Variants in RNF212B observed in about 807,000 individuals in gnomAD.
The protein encoded by RNF212B is E3 ubiquitin-protein ligase RNF212B.
RNF212B carries 52 observed loss-of-function variants against 55.5 expected under a neutral mutation model. The ratio of observed to expected loss-of-function variants is 0.94; its 90% CI spans 0.75 to 1.18. The LOEUF (loss-of-function observed/expected upper bound fraction) is 1.18, where lower values mean the gene tolerates loss of function less well. Among genes scored for constraint, RNF212B ranks in the 50% most tolerant of loss-of-function variants. The probability of loss-of-function intolerance (pLI) is 0.00; values close to 1 mark genes in which losing one functional copy is unlikely to be tolerated. For missense variants in RNF212B, 289 were observed against 350.4 expected (o/e 0.82, Z 1.40); for synonymous variants, 99 against 121.4 (o/e 0.82, Z 1.21).
chr14:23,224,831 A>G (rs777241596), intron 2 of RNF212B, among the ~76,000 whole-genome samples: 4 of 152,218 alleles, frequency 2.6e-5, no homozygotes, highest in Non-Finnish European at 4.4e-5. Context: ...ACAGAATGAG[A>G]GAATATATTT....
chr14:23,209,283 T>C (rs768834065), intron 2 of RNF212B, among the ~76,000 whole-genome samples: 18 of 151,692 alleles, frequency 1.2e-4, no homozygotes, highest in Non-Finnish European at 2.5e-4. Context: ...GCAACCTGTT[T>C]TACCAGCAAG....
At chr14:23,204,518 A>G (rs1393437681) in intron 2 of RNF212B, among the ~76,000 whole-genome samples, 2 of 152,170 alleles carry the variant, frequency 1.3e-5, no homozygotes, top group Non-Finnish European at 2.9e-5. Context: ...TGCTTTGTCA[A>G]AGCTCAGTTG....
intron 3 of RNF212B, 66 bp downstream of exon 3, chr14:23,243,374 A>G: frequency 7.7e-7 from 1 of 1,291,490 alleles, no homozygotes; most frequent in Non-Finnish European, 1.1e-6. Flanking sequence ...AGTATATACA[A>G]AGTACAGATG....
chr14:23,271,752 C>G (rs1281445096), intron 14 of RNF212B, among the ~76,000 whole-genome samples: 2 of 152,104 alleles, frequency 1.3e-5, no homozygotes, highest in African/African-American at 4.8e-5. Context: ...CTTAAAAGCT[C>G]TATAAACCGT....
At chr14:23,220,303 G>A (rs1881450814) in intron 2 of RNF212B, among the ~76,000 whole-genome samples, 1 of 151,898 alleles carries the variant, frequency 6.6e-6, no homozygotes, top group African/African-American at 2.4e-5. Flanking sequence ...AGGTCGAGGT[G>A]GGTGGATTGC....
At chr14:23,190,079 T>A (rs1468826756) in intron 1 of RNF212B, among the ~76,000 whole-genome samples, 4 of 152,124 alleles carry the variant, frequency 2.6e-5, no homozygotes, top group Non-Finnish European at 5.9e-5. Flanking sequence ...AGCTAATGGC[T>A]CTGGAGCACC....
At chr14:23,213,558 C>A (rs145120206) in intron 2 of RNF212B, among the ~76,000 whole-genome samples, 9 of 152,252 alleles carry the variant, frequency 5.9e-5, no homozygotes, top group African/African-American at 1.9e-4. Flanking sequence ...CAAATCACTG[C>A]AGAGAGCTAA....
intron 4 of RNF212B, among the ~76,000 whole-genome samples, chr14:23,247,391 T>C (rs1011799874): frequency 8.5e-5 from 13 of 152,286 alleles, no homozygotes; most frequent in African/African-American, 3.1e-4. Context: ...TCTGTACTTA[T>C]CGGCAGGCAC....
chr14:23,189,594 G>A (rs1003172422), intron 1 of RNF212B, among the ~76,000 whole-genome samples: 8 of 151,972 alleles, frequency 5.3e-5, no homozygotes, highest in African/African-American at 1.7e-4. Context: ...CTTGAGTCCA[G>A]GAATTTGAGA....
intron 9 of RNF212B, among the ~76,000 whole-genome samples, chr14:23,263,643 C>T (rs1463952228): frequency 2.6e-5 from 4 of 152,132 alleles, no homozygotes; most frequent in Non-Finnish European, 2.9e-5. Flanking sequence ...TCAGGGAATC[C>T]CTCCTCTTGG....
At chr14:23,262,000 ACT>A (rs986439092) in intron 7 of RNF212B, among the ~76,000 whole-genome samples, 7 of 150,960 alleles carry the variant, frequency 4.6e-5, no homozygotes, top group African/African-American at 1.7e-4. Flanking sequence ...ACAAAACAAA[ACT>A]CTCTCTATAT....
intron 1 of RNF212B, among the ~76,000 whole-genome samples, chr14:23,186,023 C>A (rs1353241611): frequency 6.6e-6 from 1 of 152,110 alleles, no homozygotes; most frequent in African/African-American, 2.4e-5. Context: ...TCGTGTGAGC[C>A]ATGGAGGTTG....
Position 23,192,953 on chromosome 14 carries a change from A to G in RNF212B, c.-78-372A>G, listed in dbSNP as rs570240547. On this transcript the variant is annotated intron_variant, in intron 1 of 15. Transcript: ENST00000399910. ...GTAAAAATACAAAAATTAGCCGGGCATGGTGGCACATGCCTGTAATCCCAG... is the reference window on the plus strand; with the variant it reads ...GTAAAAATACAAAAATTAGCCGGGCGTGGTGGCACATGCCTGTAATCCCAG... Among the ~76,000 whole-genome samples, 3 of 151,980 alleles carry G rather than the reference A, an allele frequency of 2.0e-5. No homozygotes were observed. The East Asian group carries it at 5.8e-4, about 30-fold the overall frequency.
At chr14:23,189,713 G>A (rs555318344) in intron 1 of RNF212B, among the ~76,000 whole-genome samples, 23 of 152,238 alleles carry the variant, frequency 1.5e-4, no homozygotes, top group African/African-American at 5.5e-4. Context: ...GGAGGCTGAC[G>A]TAGGAGGATT....
intron 2 of RNF212B, among the ~76,000 whole-genome samples, chr14:23,221,484 A>C (rs1881571835): frequency 6.6e-6 from 1 of 152,218 alleles, no homozygotes; most frequent in Non-Finnish European, 1.5e-5. Context: ...GAGTACCCAG[A>C]TATATAAAGC....
intron 2 of RNF212B, among the ~76,000 whole-genome samples, chr14:23,208,319 G>T (rs1264676071): frequency 6.6e-6 from 1 of 152,100 alleles, no homozygotes; most frequent in Non-Finnish European, 1.5e-5. Flanking sequence ...TTGAGACCCT[G>T]TCCCTCCAAA....
In RNF212B at chr14:23,229,261, T is replaced by TATATATATACAC. The variant is rs558232357; in HGVS notation, c.-1-11083_-1-11082insTATATATACACA. Among the ~76,000 whole-genome samples, 71 of 127,170 alleles carry TATATATATACAC rather than the reference T, an allele frequency of 5.6e-4. 1 individual carries two copies. Among genetic ancestry groups the TATATATATACAC allele is most frequent in the Non-Finnish European group, 9.6e-4 (58 of 60,264 alleles). The allele number at this position is 127,170 out of a possible 152,430, so 83.4% of individuals were successfully genotyped here. On this transcript the variant is annotated intron_variant, in intron 2 of 15. Transcript: ENST00000399910. ...ATATATATATATATATATATATATATACCACATTGTTTATCCATTCATCTA... is the reference window on the plus strand; with the variant it reads ...ATATATATATATATATATATATATATATATATATACACACCACATTGTTTATCCATTCATCTA...
chr14:23,203,027 T>C (rs1476136221), intron 2 of RNF212B, among the ~76,000 whole-genome samples: 3 of 152,114 alleles, frequency 2.0e-5, no homozygotes, highest in Non-Finnish European at 4.4e-5. Flanking sequence ...AGTATTTGGT[T>C]ACATAACTGA....
intron 7 of RNF212B, among the ~76,000 whole-genome samples, chr14:23,261,533 AGGT>A (rs529920746): frequency 5.9e-5 from 9 of 152,240 alleles, no homozygotes; most frequent in Non-Finnish European, 1.2e-4. Context: ...AGACTGCATT[AGGT>A]GGAGTTAGAT....
Sources: allele counts gnomAD v4.1 joint callset (sites outside exome capture counted in the v4.1 genomes callset), GRCh38; gene constraint gnomAD v4.1.1; transcripts MANE v1.5; gene names NCBI Gene and HGNC (gene_info 2026-07-23, HGNC 2026-07-21).